The following DPP6 variants were observed in gnomAD, a reference collection of about 807,000 sequenced individuals.
The protein encoded by DPP6 is A-type potassium channel modulatory protein DPP6.
A neutral mutation model predicts 122.6 loss-of-function variants in DPP6; 69 were observed. The observed-to-expected ratio is 0.56, with a 90% CI of 0.46 to 0.69. DPP6 has a LOEUF of 0.69. Ranked by LOEUF, DPP6 falls within the 30% of genes least tolerant of loss-of-function variation. The pLI is 0.00. For synonymous variants in DPP6, 418 were observed against 433.1 expected, an observed-to-expected ratio of 0.97 and a Z score of 0.43; for missense variants, 928 against 1,116.9, an observed-to-expected ratio of 0.83 and a Z score of 2.41.
At chr7:154,743,478 A>G (rs1157335952) in intron 8 of DPP6, among the ~76,000 whole-genome samples, 2 of 152,150 alleles carry the variant, frequency 1.3e-5, no homozygotes, top group Non-Finnish European at 2.9e-5. Context: ...TAGGAAAGAG[A>G]GAAAGTCGGA....
intron 7 of DPP6, among the ~76,000 whole-genome samples, chr7:154,692,777 CTCTCTTTTTTTTT>C (rs1461526495): frequency 7.1e-6 from 1 of 140,330 alleles, no homozygotes; most frequent in Non-Finnish European, 1.5e-5. Context: ...ATTATTCTCT[CTCTCTTTTTTTTT>C]TTTTTTTTTG....
At chr7:154,177,613 A>T (rs1020900423) in intron 1 of DPP6, among the ~76,000 whole-genome samples, 34 of 152,182 alleles carry the variant, frequency 2.2e-4, no homozygotes, top group African/African-American at 8.2e-4. Flanking sequence ...GATGCTAACG[A>T]TGTCCCCCAG....
intron 1 of DPP6, among the ~76,000 whole-genome samples, chr7:154,355,690 A>G (rs1043285066): frequency 2.0e-5 from 3 of 152,146 alleles, no homozygotes; most frequent in African/African-American, 4.8e-5. Context: ...CTAGTTTTGG[A>G]CTTTCTATCT....
chr7:154,700,674 C>A (rs988239208), intron 7 of DPP6, among the ~76,000 whole-genome samples: 5 of 152,132 alleles, frequency 3.3e-5, no homozygotes, highest in Admixed American at 3.3e-4. Flanking sequence ...GTTGACCTAG[C>A]GAAGAAAATG....
chr7:154,105,904 A>G (rs1806128466), intron 1 of DPP6, among the ~76,000 whole-genome samples: 4 of 150,740 alleles, frequency 2.7e-5, no homozygotes, highest in Admixed American at 1.3e-4. Context: ...ATGCATCAGG[A>G]TAAGTCCACA....
At chr7:154,452,076 A>G (rs1318316819) in intron 2 of DPP6, among the ~76,000 whole-genome samples, 4 of 152,250 alleles carry the variant, frequency 2.6e-5, no homozygotes, top group African/African-American at 9.6e-5. Flanking sequence ...TGTACAGAGC[A>G]GTGTCACCTC....
At chr7:154,677,949 G>A (rs146501198) in intron 7 of DPP6, among the ~76,000 whole-genome samples, 78 of 152,348 alleles carry the variant, frequency 5.1e-4, no homozygotes, top group African/African-American at 1.9e-3. Flanking sequence ...CTAAAGGATT[G>A]TAAAGGCACC....
At chr7:154,413,635 A>G (rs1261846402) in intron 1 of DPP6, among the ~76,000 whole-genome samples, 2 of 152,244 alleles carry the variant, frequency 1.3e-5, no homozygotes, top group African/African-American at 2.4e-5. Context: ...TTCAAATAGC[A>G]ACCCCTCCCC....
intron 6 of DPP6, among the ~76,000 whole-genome samples, chr7:154,668,197 T>TTA (rs10668895): frequency 0.07 from 2,551 of 36,438 alleles, 441 homozygotes; most frequent in African/African-American, 0.13. Flanking sequence ...TGTGTATATT[T>TTA]TATATATATA....
intron 1 of DPP6, among the ~76,000 whole-genome samples, chr7:154,053,940 A>G (rs1459840719): frequency 2.7e-5 from 4 of 148,402 alleles, no homozygotes; most frequent in African/African-American, 1.0e-4. Flanking sequence ...CCTTTCAAGG[A>G]TGCAGAGGGC....
chr7:154,214,816 G>A (rs866444439), intron 1 of DPP6, among the ~76,000 whole-genome samples: 53 of 152,250 alleles, frequency 3.5e-4, no homozygotes, highest in African/African-American at 1.3e-3. Context: ...TAGTTAGGAG[G>A]CTCAGGTGGG....
At chr7:154,502,546 C>T (rs569562956) in intron 3 of DPP6, among the ~76,000 whole-genome samples, 49 of 152,274 alleles carry the variant, frequency 3.2e-4, no homozygotes, top group African/African-American at 1.2e-3. Flanking sequence ...CACCAGCTCT[C>T]TTCTCTTGTC....
chr7:153,930,619 C>G lies in DPP6; in HGVS notation c.51+42885C>G, dbSNP rs374619416. Among the ~76,000 whole-genome samples the G allele has an allele frequency of 4.6e-5, 7 of 152,268 alleles. No individual in the cohort carries two copies. The East Asian group carries it at 1.2e-3, about 25-fold the overall frequency. On this transcript the variant is annotated intron_variant, in intron 1 of 25. Transcript: ENST00000404039. ...ACAATGTTTTGTATTTTGAAAATCT[C>G]TGAGAGAGTAGACTTTGTGTTCTTA...
chr7:154,747,205 T>C (rs1209007772), intron 8 of DPP6, among the ~76,000 whole-genome samples: 1 of 152,228 alleles, frequency 6.6e-6, no homozygotes, highest in African/African-American at 2.4e-5. Context: ...ATTGAAGAGC[T>C]GGTTTTTAAT....
intron 5 of DPP6, among the ~76,000 whole-genome samples, chr7:154,608,347 A>T (rs1295230926): frequency 1.6e-5 from 2 of 128,458 alleles, no homozygotes; most frequent in Non-Finnish European, 3.3e-5. Context: ...ATATATTTTG[A>T]GATGGAATCT....
intron 1 of DPP6, among the ~76,000 whole-genome samples, chr7:154,248,866 AGG>A: frequency 2.6e-5 from 4 of 152,038 alleles, no homozygotes; most frequent in African/African-American, 9.7e-5. Context: ...ACTCCGTCTC[AGG>A]AAAAAAAAAA....
chr7:154,565,393 G>A (rs1335968082), intron 4 of DPP6, among the ~76,000 whole-genome samples: 1 of 152,138 alleles, frequency 6.6e-6, no homozygotes, highest in Non-Finnish European at 1.5e-5. Context: ...TATATCCCAA[G>A]GTGTGCACCA....
At chr7:154,559,828 CT>C (rs984955637) in intron 4 of DPP6, among the ~76,000 whole-genome samples, 12 of 151,466 alleles carry the variant, frequency 7.9e-5, no homozygotes, top group African/African-American at 2.9e-4. Context: ...TCCCTTGAGC[CT>C]AGGAGTTTAT....
chr7:154,672,040 T>C (rs1463430383), intron 7 of DPP6, among the ~76,000 whole-genome samples: 2 of 152,136 alleles, frequency 1.3e-5, no homozygotes, highest in Non-Finnish European at 2.9e-5. Flanking sequence ...TTTGAATTAT[T>C]ATAATCCCCA....
Sources: gnomAD v4.1 joint callset for allele counts (sites outside exome capture counted in the v4.1 genomes callset) on GRCh38, gnomAD v4.1.1 for gene constraint, MANE v1.5 for transcripts, NCBI Gene and HGNC (gene_info 2026-07-23, HGNC 2026-07-21) for gene names.